Variants in STOM observed in about 807,000 individuals in gnomAD.
STOM encodes erythrocyte band 7 integral membrane protein.
STOM carries 25 observed loss-of-function variants against 30.6 expected under a neutral mutation model. That is an observed-to-expected ratio of 0.82 (90% CI 0.60 to 1.14). The LOEUF (loss-of-function observed/expected upper bound fraction) is 1.14. STOM is among the 50% of genes most tolerant of loss of function. STOM has a pLI of 0.00. For missense variants in STOM, 292 were observed against 365.2 expected, an observed-to-expected ratio of 0.80 and a Z score of 1.63; for synonymous variants, 118 against 130.8, an observed-to-expected ratio of 0.90 and a Z score of 0.67.
At chr9:121,355,715 G>A (rs1201425111) in intron 2 of STOM, among the ~76,000 whole-genome samples, 1 of 152,114 alleles carries the variant, frequency 6.6e-6, no homozygotes, top group East Asian at 1.9e-4. Context: ...AAACAGCAAA[G>A]GTCACACAAT....
chr9:121,361,056 T>C (rs991975626), intron 1 of STOM, among the ~76,000 whole-genome samples: 3 of 152,188 alleles, frequency 2.0e-5, no homozygotes, highest in Non-Finnish European at 2.9e-5. Context: ...AGTATCTAAG[T>C]TGGGAATGCA....
At chr9:121,356,020 C>A in intron 2 of STOM, 33 bp downstream of exon 2, 11 of 1,585,128 alleles carry the variant, frequency 6.9e-6, no homozygotes, top group Non-Finnish European at 9.5e-6. Flanking sequence ...TAGGAGTTGA[C>A]CCCTTCCCAG....
At chr9:121,349,901 T>C (rs144418510) in intron 4 of STOM, among the ~76,000 whole-genome samples, 2 of 152,354 alleles carry the variant, frequency 1.3e-5, no homozygotes, top group East Asian at 3.9e-4. Flanking sequence ...TAAGAAGTTA[T>C]CTGAGTGAGA....
chr9:121,369,541 C>T (rs952627489), intron 1 of STOM, among the ~76,000 whole-genome samples: 4 of 151,990 alleles, frequency 2.6e-5, no homozygotes, highest in African/African-American at 9.7e-5. Context: ...GGAGAGTTCT[C>T]CAAAACGCAG....
At chr9:121,348,590 T>G (rs191489597) in intron 5 of STOM, among the ~76,000 whole-genome samples, 122 of 152,334 alleles carry the variant, frequency 8.0e-4, no homozygotes, top group African/African-American at 2.4e-3. Context: ...CTTCCTCCCT[T>G]TAGAATGTCA....
rs2064316258 is a variant in STOM, at chr9:121,349,155, G to A, written c.490C>T (p.Leu164Phe). The A allele has an allele frequency of 1.2e-6, 2 of 1,614,042 alleles. No homozygotes were observed. The highest frequency in any genetic ancestry group is 1.7e-6 in the Non-Finnish European group (2 of 1,180,026). ...TGTGCAATTTCTTCTCTGTCAGAGA[G>A]GATCTGAGAAAGATTCTTGGTGCCC... ...VLGTKNLSQI[L>F]SDREEIAHNM... is the part of the protein sequence containing the mutation. Residue 164 changes from leucine to phenylalanine, a missense_variant, in exon 5 of 7, where the codon CTC becomes TTC. Leu to Phe is a conservative substitution (Grantham distance 22, BLOSUM62 0). Transcript: ENST00000286713.
chr9:121,351,002 C>A (rs1420142093), intron 4 of STOM, among the ~76,000 whole-genome samples: 1 of 152,198 alleles, frequency 6.6e-6, no homozygotes, highest in Non-Finnish European at 1.5e-5. Context: ...GACTTTGCCA[C>A]AGCTTCTTTC....
At chr9:121,370,044 G>A in intron 1 of STOM, 83 bp downstream of exon 1, 1 of 1,334,134 alleles carries the variant, frequency 7.5e-7, no homozygotes, top group South Asian at 1.3e-5. Context: ...AGACTGGCCA[G>A]GAGCCCGGCT....
intron 6 of STOM, among the ~76,000 whole-genome samples, chr9:121,344,591 C>T (rs902379930): frequency 1.3e-5 from 2 of 152,172 alleles, no homozygotes; most frequent in African/African-American, 2.4e-5. Context: ...TGGGTGTGCA[C>T]GGCTTTTGTC....
intron 6 of STOM, among the ~76,000 whole-genome samples, chr9:121,342,502 A>G (rs1422812347): frequency 6.6e-6 from 1 of 152,226 alleles, no homozygotes; most frequent in African/African-American, 2.4e-5. Context: ...TGTTAATAAA[A>G]TAATTCATGA....
chr9:121,369,268 T>C (rs983961377), intron 1 of STOM, among the ~76,000 whole-genome samples: 1 of 152,160 alleles, frequency 6.6e-6, no homozygotes, highest in East Asian at 1.9e-4. Context: ...GCCCTCTAAA[T>C]TGCTTTCACT....
In STOM at chr9:121,339,181, C is replaced by T. The variant is rs2064224917; in HGVS notation, c.*2021G>A. On this transcript the variant is annotated 3_prime_UTR_variant, in exon 7 of 7. Coordinates refer to ENST00000286713, the MANE Select transcript of STOM (RefSeq NM_004099.6). ...GTTCCTAGAGCTCCTTCTATGCGTC[C>T]CTCCCAAGTGATTTAATTTCAGCTG... 6.5e-6 allele frequency: 1 copy of T among 152,730 alleles called. No homozygotes were observed. Among genetic ancestry groups the T allele is most frequent in the Admixed American group, 6.5e-5 (1 of 15,292 alleles). The allele number at this position is 152,730 out of a possible 1,614,324, so 9.5% of individuals were successfully genotyped here. A position where few individuals can be genotyped will look rare whatever the true frequency, so the allele number is the denominator to read the frequency against.
At chr9:121,359,985 G>A (rs1034254367) in intron 1 of STOM, among the ~76,000 whole-genome samples, 2 of 152,188 alleles carry the variant, frequency 1.3e-5, no homozygotes, top group African/African-American at 4.8e-5. Context: ...AGGGTGAAAT[G>A]AATTCCAAAC....
At chr9:121,353,091 TAAAACAAACAAAC>T (rs1564629742) in intron 4 of STOM, 116 bp downstream of exon 4, 1 of 425,984 alleles carries the variant, frequency 2.3e-6, no homozygotes, top group East Asian at 4.2e-5. Context: ...AGATTCCAAT[TAAAACAAACAAAC>T]AAACAAACAA....
intron 6 of STOM, among the ~76,000 whole-genome samples, chr9:121,346,577 T>C (rs2064291922): frequency 6.6e-6 from 1 of 152,208 alleles, no homozygotes; most frequent in Non-Finnish European, 1.5e-5. Context: ...TAACATATTC[T>C]AGTTAAAAGC....
chr9:121,360,411 G>A (rs2064439521), intron 1 of STOM, among the ~76,000 whole-genome samples: 1 of 152,042 alleles, frequency 6.6e-6, no homozygotes, highest in African/African-American at 2.4e-5. Context: ...CTGAGAACGA[G>A]GAGTAACTAT....
At chr9:121,355,946 A>C (rs1239300738) in intron 2 of STOM, 107 bp downstream of exon 2, 1 of 668,892 alleles carries the variant, frequency 1.5e-6, no homozygotes, top group East Asian at 3.1e-5. Flanking sequence ...GAATTATAAG[A>C]GAGAGAGACA....
intron 1 of STOM, 32 bp from the exon 2 acceptor site, chr9:121,356,188 AACTGTT>A: frequency 6.4e-7 from 1 of 1,561,664 alleles, no homozygotes; most frequent in Non-Finnish European, 8.8e-7. Context: ...CAACTCTCAC[AACTGTT>A]ACTAGCATAA....
At chr9:121,350,804 T>C (rs1387156715) in intron 4 of STOM, among the ~76,000 whole-genome samples, 1 of 152,256 alleles carries the variant, frequency 6.6e-6, no homozygotes, top group East Asian at 1.9e-4. Context: ...TGTTGTAACA[T>C]GGCTGTTTAG....
Sources: allele counts gnomAD v4.1 joint callset (sites outside exome capture counted in the v4.1 genomes callset), GRCh38; gene constraint gnomAD v4.1.1; transcripts MANE v1.5; gene names NCBI Gene and HGNC (gene_info 2026-07-23, HGNC 2026-07-21).